PCDH15: variants seen among roughly 807,000 people sequenced by gnomAD.
The protein encoded by PCDH15 is protocadherin related 15.
PCDH15 carries 129 observed loss-of-function variants against 178.5 expected under a neutral mutation model. The observed-to-expected ratio is 0.72, with a 90% CI of 0.63 to 0.84. The LOEUF is 0.84. Among genes scored for constraint, PCDH15 ranks in the 40% least tolerant of loss-of-function variants. The pLI is 0.00. For synonymous variants in PCDH15, 800 were observed against 732.0 expected, an observed-to-expected ratio of 1.09 and a Z score of -1.50; for missense variants, 2,230 against 2,099.9, an observed-to-expected ratio of 1.06 and a Z score of -1.21.
At chr10:55,436,167 C>T (rs1289937886) in intron 2 of PCDH15, among the ~76,000 whole-genome samples, 1 of 151,938 alleles carries the variant, frequency 6.6e-6, no homozygotes, top group Non-Finnish European at 1.5e-5. Flanking sequence ...TTTGATATTA[C>T]TGTTGTAAAG....
chr10:55,412,019 G>C (rs948002648), intron 2 of PCDH15, among the ~76,000 whole-genome samples: 1 of 152,008 alleles, frequency 6.6e-6, no homozygotes, highest in Admixed American at 6.6e-5. Flanking sequence ...TACAATCTGC[G>C]ATGTTTGAGA....
At chr10:55,274,721 C>T (rs960530562) in intron 1 of PCDH15, among the ~76,000 whole-genome samples, 4 of 151,994 alleles carry the variant, frequency 2.6e-5, no homozygotes, top group Admixed American at 6.6e-5. Flanking sequence ...TTTTCCATGG[C>T]GGAGGCAGGG....
At chr10:54,370,164 C>A (rs768394642) in intron 4 of PCDH15, among the ~76,000 whole-genome samples, 2 of 151,922 alleles carry the variant, frequency 1.3e-5, no homozygotes, top group African/African-American at 4.8e-5. Flanking sequence ...CTGGAATGCA[C>A]ACCTACAAAT....
chr10:55,418,406 C>T lies in PCDH15; in HGVS notation c.-156+209219G>A, dbSNP rs894822813. On this transcript the variant is annotated intron_variant, in intron 2 of 5. Coordinates refer to the PCDH15 transcript ENST00000613346. ...TATAATTGGAATACTGCCTTATGTG[C>T]GTAGTGGGATCAAAATAATGTCTAA... 4.0e-5 allele frequency among the ~76,000 whole-genome samples: 6 copies of T among 151,650 alleles called. No individual in the cohort carries two copies. The East Asian group carries it at 5.8e-4, about 15-fold the overall frequency.
chr10:55,276,861 G>A (rs144690758), intron 1 of PCDH15, among the ~76,000 whole-genome samples: 155 of 151,328 alleles, frequency 1.0e-3, no homozygotes, highest in African/African-American at 3.2e-3. Flanking sequence ...AAGTTACCCA[G>A]ATTGGGAAGG....
At chr10:54,055,933 T>C (rs564738487) in intron 18 of PCDH15, among the ~76,000 whole-genome samples, 3 of 152,348 alleles carry the variant, frequency 2.0e-5, no homozygotes, top group Admixed American at 1.3e-4. Context: ...AGAAACCATG[T>C]TGAACTATGC....
At chr10:53,998,567 A>G (rs1393716907) in intron 20 of PCDH15, among the ~76,000 whole-genome samples, 1 of 152,192 alleles carries the variant, frequency 6.6e-6, no homozygotes, top group Admixed American at 6.5e-5. Flanking sequence ...TAGGAAGATA[A>G]GAACTTGCTG....
chr10:54,989,255 A>G (rs1303104055), intron 2 of PCDH15, among the ~76,000 whole-genome samples: 1 of 152,234 alleles, frequency 6.6e-6, no homozygotes, highest in Non-Finnish European at 1.5e-5. Context: ...AGAGCAGTGT[A>G]GAAGGGATAT....
intron 1 of PCDH15, among the ~76,000 whole-genome samples, chr10:54,717,394 G>A (rs1242300138): frequency 7.5e-6 from 1 of 133,790 alleles, no homozygotes; most frequent in Non-Finnish European, 1.6e-5. Context: ...AATCTACAAT[G>A]AACTCAAACA....
intron 3 of PCDH15, among the ~76,000 whole-genome samples, chr10:54,453,264 A>G (rs1261840216): frequency 2.6e-5 from 4 of 152,204 alleles, no homozygotes; most frequent in Non-Finnish European, 1.5e-5. Context: ...CCAAATGTCC[A>G]ACAATGATAG....
intron 3 of PCDH15, among the ~76,000 whole-genome samples, chr10:54,493,581 C>A (rs1441656713): frequency 6.6e-6 from 1 of 151,912 alleles, no homozygotes; most frequent in Non-Finnish European, 1.5e-5. Context: ...CAATCTTAAA[C>A]TTCACCCAAA....
At chr10:54,720,924 A>G (rs1036010929) in intron 1 of PCDH15, among the ~76,000 whole-genome samples, 3 of 152,016 alleles carry the variant, frequency 2.0e-5, no homozygotes, top group African/African-American at 7.2e-5. Context: ...TTCATCCTAA[A>G]CCACAGAAAA....
At chr10:55,404,073 G>A (rs979145363) in intron 2 of PCDH15, among the ~76,000 whole-genome samples, 3 of 151,966 alleles carry the variant, frequency 2.0e-5, no homozygotes, top group African/African-American at 7.2e-5. Context: ...CAATTACTGA[G>A]ATGTAAATAT....
At chr10:54,636,952 T>C (rs925844261) in intron 2 of PCDH15, among the ~76,000 whole-genome samples, 1 of 151,902 alleles carries the variant, frequency 6.6e-6, no homozygotes, top group Admixed American at 6.6e-5. Context: ...GTAATATAAG[T>C]AAACAAGATG....
chr10:53,939,218 A>G (rs1016142856), intron 24 of PCDH15, among the ~76,000 whole-genome samples: 4 of 152,046 alleles, frequency 2.6e-5, no homozygotes, highest in African/African-American at 7.2e-5. Context: ...ACAAAGTTCT[A>G]TGGTCAATTA....
chr10:55,339,410 A>G (rs1357571414), intron 2 of PCDH15, among the ~76,000 whole-genome samples: 1 of 152,134 alleles, frequency 6.6e-6, no homozygotes, highest in Non-Finnish European at 1.5e-5. Flanking sequence ...GGTTCTGTAC[A>G]TGGAACATGT....
At chr10:54,478,968 G>A (rs1387036422) in intron 3 of PCDH15, among the ~76,000 whole-genome samples, 2 of 144,778 alleles carry the variant, frequency 1.4e-5, no homozygotes, top group African/African-American at 5.1e-5. Context: ...CACAAAATTA[G>A]CACAATATGC....
chr10:54,493,141 T>C (rs1209279857), intron 3 of PCDH15, among the ~76,000 whole-genome samples: 1 of 152,082 alleles, frequency 6.6e-6, no homozygotes, highest in Non-Finnish European at 1.5e-5. Flanking sequence ...GAATTCAAGA[T>C]GAGATTTAGG....
intron 1 of PCDH15, among the ~76,000 whole-genome samples, chr10:54,749,326 GTAGT>G (rs1945883278): frequency 6.6e-6 from 1 of 152,244 alleles, no homozygotes; most frequent in Admixed American, 6.5e-5. Context: ...ATATTACAAA[GTAGT>G]TAGTATTAAA....
Sources: allele counts gnomAD v4.1 joint callset (sites outside exome capture counted in the v4.1 genomes callset), GRCh38; gene constraint gnomAD v4.1.1; transcripts MANE v1.5; gene names NCBI Gene and HGNC (gene_info 2026-07-23, HGNC 2026-07-21).